Variants in LNX1 observed in about 807,000 individuals in gnomAD.
The protein encoded by LNX1 is E3 ubiquitin-protein ligase LNX.
Under a neutral mutation model 68.4 loss-of-function variants are expected in LNX1, and 54 were observed. The observed-to-expected ratio is 0.79, with a 90% confidence interval of 0.63 to 0.99. The LOEUF (loss-of-function observed/expected upper bound fraction) is 0.99. Among genes scored for constraint, LNX1 ranks in the 50% least tolerant of loss-of-function variants. The probability of loss-of-function intolerance (pLI) is 0.00; values close to 1 mark genes in which losing one functional copy is unlikely to be tolerated. For missense variants in LNX1, 906 were observed against 926.4 expected, an observed-to-expected ratio of 0.98 and a Z score of 0.29; for synonymous variants, 336 against 350.0, an observed-to-expected ratio of 0.96 and a Z score of 0.45.
intron 2 of LNX1, among the ~76,000 whole-genome samples, chr4:53,548,439 A>G (rs1396625033): frequency 1.3e-5 from 2 of 152,238 alleles, no homozygotes; most frequent in Non-Finnish European, 1.5e-5. Flanking sequence ...ATAGATAACT[A>G]TACATAAGAC....
chr4:53,514,309 G>A (rs767147305), intron 2 of LNX1, among the ~76,000 whole-genome samples: 1 of 152,196 alleles, frequency 6.6e-6, no homozygotes, highest in Non-Finnish European at 1.5e-5. Context: ...GCTAATGAAA[G>A]AGCATGGGGT....
intron 1 of LNX1, among the ~76,000 whole-genome samples, chr4:53,627,479 CT>C (rs1734120969): frequency 1.3e-5 from 2 of 152,202 alleles, no homozygotes; most frequent in African/African-American, 4.8e-5. Context: ...AGAATTCCTA[CT>C]AATGGTGAGC....
chr4:53,630,604 A>G (rs1236536530), intron 1 of LNX1, among the ~76,000 whole-genome samples: 1 of 152,204 alleles, frequency 6.6e-6, no homozygotes, highest in Admixed American at 6.5e-5. Flanking sequence ...GCTTCCAGAG[A>G]AAATACATGC....
At chr4:53,614,767 T>A (rs1314786413) in intron 2 of LNX1, among the ~76,000 whole-genome samples, 2 of 152,174 alleles carry the variant, frequency 1.3e-5, no homozygotes, top group African/African-American at 4.8e-5. Flanking sequence ...ACTGAATGCT[T>A]GCTAGTTTTA....
chr4:53,623,622 G>C (rs2109862884), intron 1 of LNX1, among the ~76,000 whole-genome samples: 1 of 151,944 alleles, frequency 6.6e-6, no homozygotes, highest in Non-Finnish European at 1.5e-5. Flanking sequence ...TGTTATGATG[G>C]TATAAAATGT....
chr4:53,537,493 C>A (rs1728454479), intron 2 of LNX1, among the ~76,000 whole-genome samples: 2 of 152,176 alleles, frequency 1.3e-5, no homozygotes, highest in South Asian at 4.1e-4. Flanking sequence ...TAGCTTTATT[C>A]CTTTTATAGC....
At chr4:53,591,299 T>C in intron 1 of LNX1, 89 bp downstream of exon 1, 1 of 801,200 alleles carries the variant, frequency 1.2e-6, no homozygotes, top group Non-Finnish European at 1.5e-6. Context: ...CCGTTCAGCT[T>C]GTATTTTTTC....
chr4:53,465,746 A>G (rs903072564), intron 9 of LNX1, among the ~76,000 whole-genome samples: 1 of 146,880 alleles, frequency 6.8e-6, no homozygotes, highest in Non-Finnish European at 1.5e-5. Flanking sequence ...AAAATGAAAA[A>G]TATGTTGCTA....
chr4:53,568,140 A>G (rs912115811), intron 2 of LNX1, among the ~76,000 whole-genome samples: 4 of 152,068 alleles, frequency 2.6e-5, no homozygotes, highest in African/African-American at 9.7e-5. Flanking sequence ...TCCCTAACTC[A>G]TTTTATGAGG....
chr4:53,630,569 C>T (rs771438101), intron 1 of LNX1, among the ~76,000 whole-genome samples: 2 of 152,084 alleles, frequency 1.3e-5, no homozygotes, highest in African/African-American at 4.8e-5. Flanking sequence ...CCTGGTGTTC[C>T]TAAGTGCAAG....
Position 53,460,714 on chromosome 4 carries a change from A to G in LNX1, c.*193T>C. On this transcript the variant is annotated 3_prime_UTR_variant, in exon 11 of 11. Transcript: ENST00000263925. ...ATGAGAAATCCTCCACACTGAAAAAAAACTAGTAGTTTTAATTTTTTTGGA... is the reference window on the plus strand; with the variant it reads ...ATGAGAAATCCTCCACACTGAAAAAGAACTAGTAGTTTTAATTTTTTTGGA... 1.8e-6 allele frequency: 1 copy of G among 547,058 alleles called. No homozygotes were observed. The highest frequency in any genetic ancestry group is 3.1e-6 in the Non-Finnish European group (1 of 320,854). 33.9% of individuals were successfully genotyped at this position (547,058 alleles called of 1,614,324 possible).
intron 1 of LNX1, among the ~76,000 whole-genome samples, chr4:53,577,031 G>A (rs2109788377): frequency 6.6e-6 from 1 of 152,334 alleles, no homozygotes; most frequent in Middle Eastern, 3.4e-3. Context: ...TTTAGCATCA[G>A]ATAGGACCAC....
chr4:53,636,179 C>CT (rs11440722), intron 1 of LNX1, among the ~76,000 whole-genome samples: 35,637 of 85,736 alleles, frequency 0.42, 5,797 homozygotes, highest in East Asian at 0.49. Flanking sequence ...TCTATTACTC[C>CT]TTTTTTTTTT....
At chr4:53,647,199 A>G (rs1196041434) in intron 1 of LNX1, among the ~76,000 whole-genome samples, 1 of 152,208 alleles carries the variant, frequency 6.6e-6, no homozygotes, top group Non-Finnish European at 1.5e-5. Flanking sequence ...CATGTTTCTG[A>G]CAATCCTTTC....
At position 53,497,900 on chromosome 4, in the gene LNX1, A is replaced by G. The variant is rs960770009; in HGVS notation, c.978+741T>C. 3.1e-4 allele frequency among the ~76,000 whole-genome samples: 47 copies of G among 152,202 alleles called. 1 individual carries two copies. The highest frequency in any genetic ancestry group is 4.4e-5 in the Non-Finnish European group (3 of 68,032). On this transcript the variant is annotated intron_variant, in intron 5 of 10. Transcript: ENST00000263925. ...CCGGTCCCTCAGCAACCTAGAAGGG[A>G]TGGGATAGAACTGTTATCTGAGTGT...
chr4:53,488,772 C>T (rs775007292), intron 6 of LNX1, among the ~76,000 whole-genome samples: 5 of 152,118 alleles, frequency 3.3e-5, no homozygotes, highest in African/African-American at 4.8e-5. Context: ...TGATGCCATA[C>T]AGACCTTACA....
intron 9 of LNX1, among the ~76,000 whole-genome samples, chr4:53,463,250 A>G (rs1722328609): frequency 1.3e-5 from 2 of 152,064 alleles, no homozygotes; most frequent in South Asian, 4.1e-4. Flanking sequence ...GATACTGGAG[A>G]GAACATAACT....
chr4:53,557,719 C>T (rs1262469567), intron 2 of LNX1, among the ~76,000 whole-genome samples: 1 of 149,452 alleles, frequency 6.7e-6, no homozygotes, highest in Non-Finnish European at 1.5e-5. Flanking sequence ...GACAGCTAAG[C>T]ATGCCGTTTT....
intron 1 of LNX1, among the ~76,000 whole-genome samples, chr4:53,584,845 C>T (rs538604865): frequency 6.6e-6 from 1 of 152,340 alleles, no homozygotes; most frequent in South Asian, 2.1e-4. Context: ...ATAGCTAGTG[C>T]TTCCCACGTT....
Sources: gnomAD v4.1 joint callset for allele counts (sites outside exome capture counted in the v4.1 genomes callset) on GRCh38, gnomAD v4.1.1 for gene constraint, MANE v1.5 for transcripts, NCBI Gene and HGNC (gene_info 2026-07-23, HGNC 2026-07-21) for gene names.